Variants in COL4A1 observed in about 807,000 individuals in gnomAD.
COL4A1 encodes the protein collagen type IV alpha 1 chain.
COL4A1 carries 40 observed loss-of-function variants against 216.6 expected under a neutral mutation model. The observed-to-expected ratio is 0.18, with a 90% CI of 0.14 to 0.24. The LOEUF (loss-of-function observed/expected upper bound fraction) is 0.24, where lower values mean the gene tolerates loss of function less well. Among genes scored for constraint, COL4A1 ranks in the 10% least tolerant of loss-of-function variants. The pLI is 1.00. For synonymous variants in COL4A1, 839 were observed against 810.7 expected, an observed-to-expected ratio of 1.03 and a Z score of -0.59; for missense variants, 1,628 against 2,196.8, an observed-to-expected ratio of 0.74 and a Z score of 5.18.
At chr13:110,275,314 C>T (rs1404418579) in intron 1 of COL4A1, among the ~76,000 whole-genome samples, 1 of 152,104 alleles carries the variant, frequency 6.6e-6, no homozygotes, top group African/African-American at 2.4e-5. Flanking sequence ...AAATGCGTTC[C>T]ACATAGGTTA....
chr13:110,167,908 T>A lies in COL4A1; in HGVS notation c.3877-678A>T, dbSNP rs58814158. Among the ~76,000 whole-genome samples, 3 of 152,042 alleles carry A rather than the reference T, an allele frequency of 2.0e-5. No individual in the cohort carries two copies. In the South Asian group the frequency reaches 6.2e-4, roughly 32 times the overall value. On this transcript the variant is annotated intron_variant, in intron 43 of 51. Coordinates refer to ENST00000375820, the MANE Select transcript of COL4A1 (RefSeq NM_001845.6). The stretch of plus-strand genomic sequence containing the variant: ...TTAAAAGTGTCAAACCAAAATAACA[T>A]GAACAAATATATATGTATATAAACA...
chr13:110,196,437 C>T (rs1384728324), intron 21 of COL4A1, among the ~76,000 whole-genome samples: 2 of 152,286 alleles, frequency 1.3e-5, no homozygotes, highest in Non-Finnish European at 2.9e-5. Context: ...ATCTCTCATC[C>T]CTGTGAGCCT....
intron 34 of COL4A1, 62 bp downstream of exon 34, chr13:110,176,823 G>A (rs1007319741): frequency 5.1e-5 from 83 of 1,613,758 alleles, no homozygotes; most frequent in Non-Finnish European, 6.1e-5. Context: ...TGGAGGACCC[G>A]ATAACCCAGG....
chr13:110,276,809 G>A (rs767009210), intron 1 of COL4A1, among the ~76,000 whole-genome samples: 7 of 152,164 alleles, frequency 4.6e-5, no homozygotes, highest in Non-Finnish European at 7.3e-5. Context: ...TAAAGATACC[G>A]GGTGCCTTAA....
Position 110,211,525 on chromosome 13 carries a change from G to C in COL4A1, c.468+122C>G. The C allele has an allele frequency of 1.1e-6, 1 of 879,444 alleles. No individual in the cohort carries two copies. The highest frequency in any genetic ancestry group is 1.8e-6 in the Non-Finnish European group (1 of 564,408). The allele number at this position is 879,444 out of a possible 1,614,324, so 54.5% of individuals were successfully genotyped here. Reference sequence around the variant, plus strand: ...AGTCTTTTCATGTAACAGAGTTTAGGGAAGTGTGTTCAGAAACAATCGATC... The same window carrying C: ...AGTCTTTTCATGTAACAGAGTTTAGCGAAGTGTGTTCAGAAACAATCGATC... On this transcript the variant is annotated intron_variant, in intron 8 of 51. Coordinates refer to ENST00000375820, the MANE Select transcript of COL4A1 (RefSeq NM_001845.6). The surrounding 1 kb of genome is among the most constrained non-coding windows in gnomAD (Gnocchi z 4.3).
intron 24 of COL4A1, chr13:110,191,735 T>G (rs1878638047): frequency 3.1e-6 from 2 of 638,238 alleles, no homozygotes; most frequent in East Asian, 5.5e-5. Context: ...CAAACAGATC[T>G]GCTTTCCTTG....
intron 2 of COL4A1, among the ~76,000 whole-genome samples, chr13:110,222,795 A>G (rs1594597844): frequency 7.4e-6 from 1 of 134,980 alleles, no homozygotes; most frequent in Admixed American, 8.0e-5. Flanking sequence ...AAAAAAAAAA[A>G]AAAGAATTAA....
At chr13:110,200,555 AAG>A (rs1879140272) in intron 20 of COL4A1, among the ~76,000 whole-genome samples, 1 of 151,992 alleles carries the variant, frequency 6.6e-6, no homozygotes, top group Non-Finnish European at 1.5e-5. Context: ...GCCGTGGGAA[AAG>A]AGGGGGGCAG....
At chr13:110,290,027 G>C (rs376076257) in intron 1 of COL4A1, among the ~76,000 whole-genome samples, 1 of 152,340 alleles carries the variant, frequency 6.6e-6, no homozygotes, top group South Asian at 2.1e-4. Context: ...CTGAAAGGAT[G>C]CTGCCGGGGG....
At chr13:110,283,996 C>T (rs981588024) in intron 1 of COL4A1, among the ~76,000 whole-genome samples, 4 of 152,004 alleles carry the variant, frequency 2.6e-5, no homozygotes, top group Non-Finnish European at 2.9e-5. Flanking sequence ...AGGGTCTGTC[C>T]GGTGATGGCC....
rs1000270882 is a variant in COL4A1, at chr13:110,177,050, G to C, written c.2717-13C>G. ...AAGCCATGGTCCCCTGCAGAGGAAA[G>C]AGAAGGCACTGGTGAGCCTGGGCCA... On this transcript the variant is annotated splice_polypyrimidine_tract_variant and intron_variant, in intron 33 of 51. Coordinates refer to ENST00000375820, the MANE Select transcript of COL4A1 (RefSeq NM_001845.6). The C allele has an allele frequency of 3.1e-6, 5 of 1,613,442 alleles. No individual in the cohort carries two copies. In the African/African-American group the frequency reaches 6.7e-5, roughly 22 times the overall value.
rs546038075 is a variant in COL4A1 at position 110,228,073 on chromosome 13, G to A, written c.145-14058C>T. Among the ~76,000 whole-genome samples, 641 of 152,300 alleles carry A rather than the reference G, an allele frequency of 4.2e-3. 2 individuals carry two copies. Among genetic ancestry groups the A allele is most frequent in the Non-Finnish European group, 6.7e-3 (459 of 68,030 alleles). On this transcript the variant is annotated intron_variant, in intron 2 of 51. Coordinates refer to ENST00000375820, the MANE Select transcript of COL4A1 (RefSeq NM_001845.6). ...GTGACAGGTGGGAAAGGGATGCACA[G>A]GGACATACACGCGCCTTACAGGACT...
intron 3 of COL4A1, 30 bp from the exon 4 acceptor site, chr13:110,213,856 T>C: frequency 1.2e-6 from 2 of 1,614,002 alleles, no homozygotes; most frequent in Non-Finnish European, 1.7e-6. Flanking sequence ...CCATTGTCAT[T>C]GATCACCGCT....
chr13:110,196,156 A>C (rs1424855478), intron 21 of COL4A1, among the ~76,000 whole-genome samples: 1 of 152,118 alleles, frequency 6.6e-6, no homozygotes, highest in Non-Finnish European at 1.5e-5. Context: ...ACTATGGGGG[A>C]GGTGCTTTTG....
intron 1 of COL4A1, among the ~76,000 whole-genome samples, chr13:110,253,565 C>T (rs61243210): frequency 2.2e-5 from 3 of 138,930 alleles, no homozygotes; most frequent in Non-Finnish European, 1.5e-5. Context: ...TATAATTATA[C>T]GTATGTATGT....
chr13:110,242,061 C>G (rs1260328540), intron 2 of COL4A1, among the ~76,000 whole-genome samples: 1 of 152,178 alleles, frequency 6.6e-6, no homozygotes, highest in East Asian at 1.9e-4. Flanking sequence ...AAAAAACAGC[C>G]AGGCACCCTC....
At position 110,200,882 on chromosome 13, in the gene COL4A1, T is replaced by A. The variant is rs141208458; in HGVS notation, c.1092A>T (p.Pro364=). The A allele has an allele frequency of 2.3e-5, 37 of 1,614,168 alleles. No individual in the cohort carries two copies. The highest frequency in any genetic ancestry group is 3.1e-5 in the Non-Finnish European group (37 of 1,179,998). ...GAGGTCCGGGTTGGCCTGGTAGTCC[T>A]GGGAAACCTGAAAAGAGAAAGAGAG... ...PRGEPGPKGF[P]GLPGQPGPPG... Residue 364 remains proline (P), a synonymous_variant, in exon 20 of 52, where the codon CCA becomes CCT. Transcript: ENST00000375820.
intron 1 of COL4A1, among the ~76,000 whole-genome samples, chr13:110,245,535 G>A (rs898200268): frequency 1.3e-5 from 2 of 152,164 alleles, no homozygotes; most frequent in Admixed American, 1.3e-4. Flanking sequence ...GCTGCTTTCT[G>A]GGAAAGAGCA....
intron 1 of COL4A1, among the ~76,000 whole-genome samples, chr13:110,267,903 T>C (rs1490159413): frequency 1.3e-5 from 2 of 152,058 alleles, no homozygotes; most frequent in Non-Finnish European, 2.9e-5. Flanking sequence ...ACATAAAAAA[T>C]ATGTAGGTCA....
Sources: allele counts gnomAD v4.1 joint callset (sites outside exome capture counted in the v4.1 genomes callset), GRCh38; gene constraint gnomAD v4.1.1; non-coding constraint Gnocchi (gnomAD v3.1); transcripts MANE v1.5; gene names NCBI Gene and HGNC (gene_info 2026-07-23, HGNC 2026-07-21).